Variants in HSDL1 observed in about 807,000 individuals in gnomAD.
HSDL1 encodes the protein hydroxysteroid dehydrogenase like 1, also known as inactive hydroxysteroid dehydrogenase-like protein 1.
Under a neutral mutation model 31.5 loss-of-function variants are expected in HSDL1, and 29 were observed. That is an observed-to-expected ratio of 0.92 (90% CI 0.69 to 1.26). The LOEUF (loss-of-function observed/expected upper bound fraction) is 1.26. HSDL1 is among the 50% of genes most tolerant of loss of function. The pLI is 0.00. For synonymous variants in HSDL1, 222 were observed against 155.2 expected (o/e 1.43, Z -3.20); for missense variants, 503 against 416.6 (o/e 1.21, Z -1.81).
intron 1 of HSDL1, among the ~76,000 whole-genome samples, chr16:84,141,512 C>G (rs1284976530): frequency 1.3e-5 from 2 of 152,254 alleles, no homozygotes; most frequent in African/African-American, 4.8e-5. Context: ...CTCCTGCACA[C>G]CTGTGCAAGA....
chr16:84,124,863 A>G (rs974617874), intron 5 of HSDL1, 135 bp from the exon 6 acceptor site: 6 of 595,932 alleles, frequency 1.0e-5, no homozygotes, highest in African/African-American at 1.8e-5. Flanking sequence ...ATACCCACCA[A>G]TCACAACAAA....
At chr16:84,134,352 G>C (rs959183594) in intron 2 of HSDL1, among the ~76,000 whole-genome samples, 1 of 152,180 alleles carries the variant, frequency 6.6e-6, no homozygotes, top group Non-Finnish European at 1.5e-5. Context: ...GCCAGGGACG[G>C]TGGCTCACAC....
chr16:84,132,210 C>T (rs1323678284), intron 2 of HSDL1, among the ~76,000 whole-genome samples: 1 of 152,234 alleles, frequency 6.6e-6, no homozygotes, highest in African/African-American at 2.4e-5. Context: ...AGCAGAGGTA[C>T]ATGTATTTCT....
At chr16:84,125,004 C>T (rs2086590938) in intron 5 of HSDL1, 1 of 247,674 alleles carries the variant, frequency 4.0e-6, no homozygotes, top group South Asian at 6.3e-5. Flanking sequence ...AAATACCCAC[C>T]AATCACAATA....
intron 1 of HSDL1, among the ~76,000 whole-genome samples, chr16:84,136,173 G>A (rs1293565522): frequency 6.6e-6 from 1 of 152,226 alleles, no homozygotes; most frequent in African/African-American, 2.4e-5. Flanking sequence ...CCTTAGTTCA[G>A]GTGCCCACCA....
At chr16:84,125,415 C>G (rs761317100) in intron 5 of HSDL1, among the ~76,000 whole-genome samples, 3 of 146,558 alleles carry the variant, frequency 2.0e-5, no homozygotes, top group Non-Finnish European at 3.1e-5. Flanking sequence ...AATCACATTA[C>G]CCACCAATCA....
chr16:84,131,643 T>C (rs1292167094), intron 2 of HSDL1, among the ~76,000 whole-genome samples: 2 of 151,106 alleles, frequency 1.3e-5, no homozygotes, highest in Non-Finnish European at 2.9e-5. Context: ...GCCTCCCAAG[T>C]AGCTGGGACT....
chr16:84,138,809 C>T (rs2086737325), intron 1 of HSDL1, among the ~76,000 whole-genome samples: 3 of 152,140 alleles, frequency 2.0e-5, no homozygotes, highest in East Asian at 1.9e-4. Context: ...CTACAGGAAA[C>T]GTTACAACTA....
At chr16:84,139,293 T>A (rs1486105557) in intron 1 of HSDL1, 2 of 152,132 alleles carry the variant, frequency 1.3e-5, no homozygotes, top group African/African-American at 2.4e-5. Context: ...GTGGGTCCAA[T>A]GTCATCATGT....
intron 1 of HSDL1, among the ~76,000 whole-genome samples, chr16:84,137,144 G>C (rs1205093643): frequency 6.6e-6 from 1 of 152,226 alleles, no homozygotes; most frequent in African/African-American, 2.4e-5. Flanking sequence ...AGAAGTCAGA[G>C]AAAGATAAAC....
At chr16:84,140,825 C>T (rs528193959) in intron 1 of HSDL1, among the ~76,000 whole-genome samples, 4 of 152,028 alleles carry the variant, frequency 2.6e-5, no homozygotes, top group African/African-American at 9.7e-5. Flanking sequence ...TATTGCTGGC[C>T]GGGCGCGGTG....
Position 84,130,257 on chromosome 16 carries a change from A to T in HSDL1, c.395T>A (p.Ile132Asn). The part of the protein sequence containing the change: ...IVADFSSGRE[I>N]YLPIREALKD... ...CAGGGCTTCTCGAATTGGAAGGTAG[A>T]TCTCACGACCGCTGCTGAAGTCCGC... is the stretch of plus-strand genomic sequence containing the variant. Residue 132 changes from isoleucine to asparagine, a missense_variant, in exon 4 of 6, where the codon ATC becomes AAC. Ile to Asn is a moderately radical substitution (Grantham distance 149, BLOSUM62 -3). Coordinates refer to ENST00000219439, the MANE Select transcript of HSDL1 (RefSeq NM_031463.5). The T allele has an allele frequency of 1.2e-6, 2 of 1,614,224 alleles. No individual in the cohort carries two copies. Among genetic ancestry groups the T allele is most frequent in the Non-Finnish European group, 1.7e-6 (2 of 1,180,048 alleles).
At chr16:84,142,308 C>G (rs1289832767) in intron 1 of HSDL1, among the ~76,000 whole-genome samples, 1 of 152,084 alleles carries the variant, frequency 6.6e-6, no homozygotes, top group Non-Finnish European at 1.5e-5. Context: ...CCCTCCTTAG[C>G]CTCAGGTCAT....
chr16:84,129,881 A>G, intron 4 of HSDL1, 105 bp downstream of exon 4: 1 of 1,393,918 alleles, frequency 7.2e-7, no homozygotes, highest in Non-Finnish European at 9.9e-7. Flanking sequence ...ATACAGGATA[A>G]GCATATGTGA....
At chr16:84,136,760 G>C (rs1341985188) in intron 1 of HSDL1, among the ~76,000 whole-genome samples, 1 of 152,224 alleles carries the variant, frequency 6.6e-6, no homozygotes, top group African/African-American at 2.4e-5. Flanking sequence ...CCTTAAACGT[G>C]TGTTAATATT....
chr16:84,133,432 G>A (rs1341843735), intron 2 of HSDL1, among the ~76,000 whole-genome samples: 1 of 152,196 alleles, frequency 6.6e-6, no homozygotes, highest in East Asian at 1.9e-4. Context: ...AGCCAATGTG[G>A]CATTAAGTTT....
At chr16:84,137,564 C>T (rs1033034731) in intron 1 of HSDL1, among the ~76,000 whole-genome samples, 1 of 152,170 alleles carries the variant, frequency 6.6e-6, no homozygotes, top group Non-Finnish European at 1.5e-5. Context: ...GAAGGAGGGC[C>T]ACACGGAGAG....
chr16:84,131,243 A>C lies in HSDL1; in HGVS notation c.79T>G (p.Leu27Val), dbSNP rs775427075. ...SCNCYMEALA[L>V]VGAWYTARKS... is the part of the protein sequence containing the mutation. ...CTGGCCGTATACCAGGCTCCAACCA[A>C]AGCTAGAGCTTCCATATAGCAATTG... Residue 27 changes from leucine to valine, a missense_variant, in exon 3 of 6, where the codon TTG (leucine) becomes GTG (valine). Physicochemically the swap from Leu to Val is conservative, Grantham distance 32. Coordinates refer to ENST00000219439, the MANE Select transcript of HSDL1 (RefSeq NM_031463.5). 6.2e-7 allele frequency: 1 copy of C among 1,614,178 alleles called. No individual in the cohort carries two copies. The highest frequency in any genetic ancestry group is 2.2e-5 in the East Asian group (1 of 44,880).
Position 84,131,235 on chromosome 16 carries a change from T to C in HSDL1, c.87A>G (p.Gly29=). The change falls in exon 3 of 6, where the codon GGA becomes GGG. Residue 29 remains glycine, a synonymous_variant. Coordinates refer to ENST00000219439, the MANE Select transcript of HSDL1 (RefSeq NM_031463.5). ...NCYMEALALV[G]AWYTARKSIT... ...TGCTTTTTCTGGCCGTATACCAGGC[T>C]CCAACCAAAGCTAGAGCTTCCATAT... 6.2e-7 allele frequency: 1 copy of C among 1,614,112 alleles called. No homozygotes were observed. Among genetic ancestry groups the C allele is most frequent in the Non-Finnish European group, 8.5e-7 (1 of 1,180,026 alleles).
Sources: gnomAD v4.1 joint callset for allele counts (sites outside exome capture counted in the v4.1 genomes callset) on GRCh38, gnomAD v4.1.1 for gene constraint, MANE v1.5 for transcripts, NCBI Gene and HGNC (gene_info 2026-07-23, HGNC 2026-07-21) for gene names.